Variants in PIH1D2 observed in about 807,000 individuals in gnomAD.
PIH1D2 encodes PIH1 domain-containing protein 2.
A neutral mutation model predicts 31.2 loss-of-function variants in PIH1D2; 25 were observed. The observed-to-expected ratio is 0.80, with a 90% CI of 0.58 to 1.12. The LOEUF (loss-of-function observed/expected upper bound fraction) is 1.12. Ranked by LOEUF, PIH1D2 falls within the 50% of genes most tolerant of loss-of-function variation. The pLI, the probability that PIH1D2 is intolerant of heterozygous loss-of-function variation, is 0.00. For missense variants in PIH1D2, 310 were observed against 356.6 expected, an observed-to-expected ratio of 0.87 and a Z score of 1.05; for synonymous variants, 116 against 119.9, an observed-to-expected ratio of 0.97 and a Z score of 0.21.
downstream of PIH1D2, chr11:112,060,156 TA>T: frequency 6.7e-6 from 7 of 1,041,080 alleles, no homozygotes; most frequent in Non-Finnish European, 9.6e-6. Flanking sequence ...TTCTGTCACG[TA>T]ATTTTTTTTT....
chr11:112,060,613 C>T (rs906041993), downstream of PIH1D2, among the ~76,000 whole-genome samples: 6 of 151,884 alleles, frequency 4.0e-5, no homozygotes, highest in Non-Finnish European at 8.8e-5. Context: ...CACCACTGCA[C>T]CTGACTAATT....
chr11:112,067,785 AAAC>A (rs1864985731), downstream of PIH1D2: 1 of 1,496,090 alleles, frequency 6.7e-7, no homozygotes, highest in East Asian at 2.5e-5. Context: ...TGTTTAAGAT[AAAC>A]TACTACCTCT....
intron 2 of PIH1D2, 51 bp downstream of exon 2, chr11:112,072,947 T>C (rs781980712): frequency 1.3e-6 from 2 of 1,493,728 alleles, no homozygotes; most frequent in Non-Finnish European, 1.8e-6. Context: ...CTGGTTATTC[T>C]GGGATCATTT....
downstream of PIH1D2, chr11:112,059,808 A>C: frequency 8.6e-7 from 1 of 1,167,984 alleles, no homozygotes; most frequent in Non-Finnish European, 1.2e-6. Flanking sequence ...TTGGTTCAAA[A>C]AATTTTTGAA....
downstream of PIH1D2, among the ~76,000 whole-genome samples, chr11:112,061,944 T>C (rs1216110928): frequency 6.6e-6 from 1 of 152,128 alleles, no homozygotes; most frequent in Non-Finnish European, 1.5e-5. Context: ...TAAAATTATA[T>C]ATATATAAAA....
intron 5 of PIH1D2, among the ~76,000 whole-genome samples, chr11:112,068,985 T>G (rs879993220): frequency 3.6e-5 from 5 of 139,276 alleles, no homozygotes; most frequent in Non-Finnish European, 7.5e-5. Context: ...TTTTTTTGTT[T>G]TTTTTTTTTT....
At chr11:112,058,589 C>T (rs56947619), downstream of PIH1D2, among the ~76,000 whole-genome samples, 3,220 of 108,088 alleles carry the variant, frequency 0.03, 144 homozygotes, top group African/African-American at 0.11. Context: ...AATCCATGAG[C>T]TTGTGAACTT....
At chr11:112,067,282 A>G (rs1555183934), downstream of PIH1D2, among the ~76,000 whole-genome samples, 1 of 152,182 alleles carries the variant, frequency 6.6e-6, no homozygotes. Flanking sequence ...CCAAATTATA[A>G]GTTACTTAAG....
chr11:112,070,789 G>C lies in PIH1D2; in HGVS notation c.548-88C>G, dbSNP rs1454327491. ...CTATAATATATGTGGTGTTAGTAGA[G>C]ATGGTAGATAAAGCTGCAGTTAAAT... On this transcript the variant is annotated intron_variant, in intron 4 of 5. Coordinates refer to ENST00000280350, the MANE Select transcript of PIH1D2 (RefSeq NM_138789.4). The C allele has an allele frequency of 1.7e-5, 23 of 1,391,784 alleles. No individual in the cohort carries two copies. In the East Asian group the frequency reaches 5.3e-4, roughly 32 times the overall value. 86.2% of individuals were successfully genotyped at this position (1,391,784 alleles called of 1,614,324 possible). A position where few individuals can be genotyped will look rare whatever the true frequency, so the allele number is the denominator to read the frequency against.
At chr11:112,057,044 A>G in the PIH1D2 span, among the ~76,000 whole-genome samples, 2 of 152,114 alleles carry the variant, frequency 1.3e-5, no homozygotes, top group Non-Finnish European at 1.5e-5. Context: ...AAACTTTATT[A>G]TTGTATCTGT....
downstream of PIH1D2, chr11:112,064,333 TTAGAAA>T (rs1447913927): frequency 1.9e-5 from 16 of 861,386 alleles, no homozygotes; most frequent in Non-Finnish European, 2.5e-5. Context: ...AAGAAAAAAG[TTAGAAA>T]TAGTGTTTTT....
chr11:112,062,617 T>A, downstream of PIH1D2: 1 of 1,473,252 alleles, frequency 6.8e-7, no homozygotes, highest in Non-Finnish European at 9.4e-7. Context: ...AACAGGTGGT[T>A]CTTTTTATTT....
chr11:112,071,665 C>T lies in PIH1D2; in HGVS notation c.271G>A (p.Gly91Ser), dbSNP rs782334633. ...ATCTCAGTTGTATCTTCTGGTTTGC[C>T]AACAGTTAGAGGTACTGGATGAGTG... ...STTHPVPLTV[G>S]KPEDTTEISD... The change falls in exon 3 of 6, where the codon GGC (glycine) becomes AGC (serine). Residue 91 changes from glycine (G) to serine (S), a missense_variant. Gly to Ser is a moderately conservative substitution (Grantham distance 56). Coordinates refer to ENST00000280350, the MANE Select transcript of PIH1D2 (RefSeq NM_138789.4). 4 of 1,613,758 alleles carry T rather than the reference C, an allele frequency of 2.5e-6. No individual in the cohort carries two copies. Among genetic ancestry groups the T allele is most frequent in the Admixed American group, 3.3e-5 (2 of 60,020 alleles).
the PIH1D2 span, among the ~76,000 whole-genome samples, chr11:112,054,811 A>G: frequency 6.6e-6 from 1 of 152,200 alleles, no homozygotes; most frequent in South Asian, 2.1e-4. Flanking sequence ...AAGACTATAG[A>G]GAAGAATCCT....
intron 1 of PIH1D2, among the ~76,000 whole-genome samples, chr11:112,073,600 T>C (rs1315062083): frequency 6.6e-6 from 1 of 152,198 alleles, no homozygotes; most frequent in Non-Finnish European, 1.5e-5. Context: ...TTTCAAAGCA[T>C]GGACTTGTGA....
chr11:112,059,901 A>G, downstream of PIH1D2: 1 of 1,597,830 alleles, frequency 6.3e-7, no homozygotes, highest in East Asian at 2.3e-5. Context: ...CTTTTTAAAC[A>G]GAAATCATGT....
rs1303553485 is a variant in PIH1D2 at position 112,070,139 on chromosome 11, T to C, written c.813+297A>G. ...GTGACTGTGAGAATACACTTCTCAG[T>C]CCTACTGATGTAGAACTGGCCTTGT... On this transcript the variant is annotated intron_variant, in intron 5 of 5. Transcript: ENST00000280350. 8 of 554,978 alleles carry C rather than the reference T, an allele frequency of 1.4e-5. No individual in the cohort carries two copies. In the Admixed American group the frequency reaches 2.5e-4, roughly 18 times the overall value. The allele number at this position is 554,978 out of a possible 1,614,324, so 34.4% of individuals were successfully genotyped here.
chr11:112,061,392 A>G (rs2135168607), downstream of PIH1D2: 1 of 542,060 alleles, frequency 1.8e-6, no homozygotes, highest in Non-Finnish European at 3.3e-6. Context: ...ATACCTAAAC[A>G]GCACTTCATT....
downstream of PIH1D2, chr11:112,062,518 A>G (rs782775760): frequency 2.5e-6 from 4 of 1,612,422 alleles, no homozygotes; most frequent in Middle Eastern, 2.1e-4. Flanking sequence ...TGAAAAACCT[A>G]TCACTATGTT....
Sources: allele counts gnomAD v4.1 joint callset (sites outside exome capture counted in the v4.1 genomes callset), GRCh38; gene constraint gnomAD v4.1.1; transcripts MANE v1.5; gene names NCBI Gene and HGNC (gene_info 2026-07-23, HGNC 2026-07-21).